The following CLCN7 variants were observed in gnomAD, a reference collection of about 807,000 sequenced individuals.
The protein encoded by CLCN7 is H(+)/Cl(-) exchange transporter 7.
Under a neutral mutation model 102.1 loss-of-function variants are expected in CLCN7, and 60 were observed. The observed-to-expected ratio is 0.59, with a 90% CI of 0.48 to 0.73. The LOEUF (loss-of-function observed/expected upper bound fraction) is 0.73, where lower values mean the gene tolerates loss of function less well. Ranked by LOEUF, CLCN7 falls within the 30% of genes least tolerant of loss-of-function variation. CLCN7 has a pLI of 0.00. For missense variants in CLCN7, 962 were observed against 1,125.7 expected, an observed-to-expected ratio of 0.85 and a Z score of 2.08; for synonymous variants, 560 against 490.5, an observed-to-expected ratio of 1.14 and a Z score of -1.87.
At chr16:1,454,511 C>G (rs1343329818) in intron 12 of CLCN7, 46 bp from the exon 13 acceptor site, 1 of 1,558,210 alleles carries the variant, frequency 6.4e-7, no homozygotes, top group African/African-American at 1.4e-5. Context: ...GGAAAAGGCC[C>G]ACAGCTCCTT....
At chr16:1,452,555 T>C in intron 15 of CLCN7, 200 bp downstream of exon 15, 2 of 611,740 alleles carry the variant, frequency 3.3e-6, no homozygotes, top group Non-Finnish European at 5.7e-6. Flanking sequence ...CCACCGCCCA[T>C]TCCCCTGGCA....
chr16:1,464,689 G>A (rs1191314508), intron 2 of CLCN7, among the ~76,000 whole-genome samples: 4 of 152,226 alleles, frequency 2.6e-5, no homozygotes, highest in Non-Finnish European at 5.9e-5. Context: ...CGCCCGGGGT[G>A]TTGCCAACAT....
chr16:1,470,781 T>C (rs900264958), intron 1 of CLCN7, among the ~76,000 whole-genome samples: 1 of 152,150 alleles, frequency 6.6e-6, no homozygotes, highest in Non-Finnish European at 1.5e-5. Context: ...CCCACAGTTC[T>C]TTCTCAGGCT....
intron 1 of CLCN7, among the ~76,000 whole-genome samples, chr16:1,473,682 A>C (rs1317470100): frequency 6.6e-6 from 1 of 151,820 alleles, no homozygotes; most frequent in Non-Finnish European, 1.5e-5. Flanking sequence ...CGTCCTTCCT[A>C]ATCTTTAAGC....
At chr16:1,474,736 G>A (rs2039127074) in intron 1 of CLCN7, 98 bp downstream of exon 1, 2 of 1,083,980 alleles carry the variant, frequency 1.8e-6, no homozygotes, top group African/African-American at 1.7e-5. Flanking sequence ...GTCGCCTCCA[G>A]GACCGAGACA....
intron 1 of CLCN7, chr16:1,474,207 T>G (rs1338657888): frequency 4.4e-6 from 2 of 455,970 alleles, no homozygotes; most frequent in Admixed American, 2.3e-5. Context: ...CATTCCAACC[T>G]CTGACTTGCT....
At chr16:1,449,458 TACAC>T in intron 17 of CLCN7, 131 bp from the exon 18 acceptor site, 2 of 805,274 alleles carry the variant, frequency 2.5e-6, no homozygotes, top group Admixed American at 4.1e-5. Context: ...GCCGCGTACA[TACAC>T]ACAGAACAAC....
At chr16:1,451,804 G>GT in intron 15 of CLCN7, 88 bp from the exon 16 acceptor site, 3 of 1,079,902 alleles carry the variant, frequency 2.8e-6, no homozygotes, top group Non-Finnish European at 4.2e-6. Flanking sequence ...GAGAGGCCGT[G>GT]TACCCTGTGC....
chr16:1,447,322 C>G (rs1043704152), intron 23 of CLCN7, 70 bp downstream of exon 23: 1 of 1,473,048 alleles, frequency 6.8e-7, no homozygotes. Flanking sequence ...TGCCCCTCCC[C>G]GAGGCTCTGG....
At chr16:1,456,601 G>A (rs185942442) in intron 9 of CLCN7, among the ~76,000 whole-genome samples, 32 of 152,320 alleles carry the variant, frequency 2.1e-4, no homozygotes, top group African/African-American at 6.5e-4. Flanking sequence ...CACTTTGGGA[G>A]GCCGAGGCAG....
intron 2 of CLCN7, among the ~76,000 whole-genome samples, chr16:1,464,830 C>T (rs1027526740): frequency 8.2e-4 from 125 of 152,320 alleles, no homozygotes; most frequent in African/African-American, 3.0e-3. Context: ...GAGATGCCCC[C>T]GAGGGGAAGG....
intron 15 of CLCN7, chr16:1,451,931 C>T: frequency 1.7e-6 from 1 of 583,156 alleles, no homozygotes. Context: ...AAGGAGGACA[C>T]ACACGGCCTA....
Position 1,461,999 on chromosome 16 carries a change from C to A in CLCN7, c.214-325G>T, listed in dbSNP as rs181458927. Among the ~76,000 whole-genome samples the A allele has an allele frequency of 7.2e-5, 11 of 151,798 alleles. No individual in the cohort carries two copies. The East Asian group carries it at 2.1e-3, about 30-fold the overall frequency. ...ACTCAGGAGGCTGAGGCAGGAGAATCGCTTGAACCCGGGATGCAGAGGTTG... is the reference window on the plus strand; with the variant it reads ...ACTCAGGAGGCTGAGGCAGGAGAATAGCTTGAACCCGGGATGCAGAGGTTG... On this transcript the variant is annotated intron_variant, in intron 2 of 24. Transcript: ENST00000382745.
At chr16:1,459,286 C>G in intron 6 of CLCN7, 99 bp from the exon 7 acceptor site, 1 of 1,023,752 alleles carries the variant, frequency 9.8e-7, no homozygotes, top group Admixed American at 2.0e-5. Flanking sequence ...GAGCAGCAGA[C>G]ACGTCGGGGC....
chr16:1,453,868 C>A lies in CLCN7; in HGVS notation c.1180G>T (p.Ala394Ser), dbSNP rs943361069. 3 of 1,613,288 alleles carry A rather than the reference C, an allele frequency of 1.9e-6. No individual in the cohort carries two copies. The highest frequency in any genetic ancestry group is 2.5e-6 in the Non-Finnish European group (3 of 1,180,064). ...VGGVLGAVFN[A>S]LNYWLTMFRI... ...AACATGGTCAGCCAGTAGTTCAAGG[C>A]ATTGAACACTGCTCCAAGCACACCG... Residue 394 changes from alanine (A) to serine (S), a missense_variant, in exon 14 of 25, where the codon GCC becomes TCC. Physicochemically the swap from Ala to Ser is moderately conservative, Grantham distance 99. Around this residue, in one of 2 missense-constraint regions of CLCN7, gnomAD observed 799 missense variants for 988.0 expected, o/e 0.81. Transcript: ENST00000382745.
rs941230995 is a variant in CLCN7 at position 1,445,145 on chromosome 16, A to G, written c.*1486T>C. 3.3e-5 allele frequency: 5 copies of G among 151,744 alleles called. No individual in the cohort carries two copies. The highest frequency in any genetic ancestry group is 2.6e-4 in the Admixed American group (4 of 15,248). 9.4% of individuals were successfully genotyped at this position (151,744 alleles called of 1,614,324 possible). ...GCGCCTCTGCCTTGCCCCCAGACCCACCAGCCAGGAGCCAGAGGAGGGAGG... is the reference window on the plus strand; with the variant it reads ...GCGCCTCTGCCTTGCCCCCAGACCCGCCAGCCAGGAGCCAGAGGAGGGAGG... On this transcript the variant is annotated 3_prime_UTR_variant, in exon 25 of 25. Coordinates refer to ENST00000382745, the MANE Select transcript of CLCN7 (RefSeq NM_001287.6).
In CLCN7 at chr16:1,445,091, G is replaced by C. The variant is rs2038612881; in HGVS notation, c.*1540C>G. 6.6e-6 allele frequency: 1 copy of C among 152,250 alleles called. No homozygotes were observed. Among genetic ancestry groups the C allele is most frequent in the Non-Finnish European group, 1.5e-5 (1 of 68,068 alleles). 9.4% of individuals were successfully genotyped at this position (152,250 alleles called of 1,614,324 possible). A position where few individuals can be genotyped will look rare whatever the true frequency, so the allele number is the denominator to read the frequency against. On this transcript the variant is annotated 3_prime_UTR_variant, in exon 25 of 25. Transcript: ENST00000382745. ...TTCTTCTTGCGTCACCCCAGCGTGG[G>C]CACCCCGGCCCGCCCCCCTCCACCT...
rs9941109 is a variant in CLCN7 at position 1,454,229 on chromosome 16, C to T, written c.1153+182G>A. On this transcript the variant is annotated intron_variant, in intron 13 of 24. Coordinates refer to ENST00000382745, the MANE Select transcript of CLCN7 (RefSeq NM_001287.6). Reference sequence around the variant, plus strand: ...GATAAACAACGGGAAGCCACAGAAGCGAAGCTTTGGGCTCCCCACTCCCCA... The same window carrying T: ...GATAAACAACGGGAAGCCACAGAAGTGAAGCTTTGGGCTCCCCACTCCCCA... 0.085 allele frequency among the ~76,000 whole-genome samples: 12,904 copies of T among 152,312 alleles called. 585 individuals carry two copies. Among genetic ancestry groups the T allele is most frequent in the Middle Eastern group, 0.14 (41 of 294 alleles).
intron 14 of CLCN7, 74 bp downstream of exon 14, chr16:1,453,760 T>C: frequency 2.1e-6 from 3 of 1,397,918 alleles, no homozygotes; most frequent in Non-Finnish European, 3.0e-6. Context: ...TAAACCCCAT[T>C]CCACCACGTC....
Sources: allele counts gnomAD v4.1 joint callset (sites outside exome capture counted in the v4.1 genomes callset), GRCh38; gene constraint gnomAD v4.1.1; regional missense constraint gnomAD v4.1.1; transcripts MANE v1.5; gene names NCBI Gene and HGNC (gene_info 2026-07-23, HGNC 2026-07-21).